MTHFD1L: variants seen among roughly 807,000 people sequenced by gnomAD.
MTHFD1L encodes the protein methylenetetrahydrofolate dehydrogenase (NADP+ dependent) 1 like, also known as monofunctional C1-tetrahydrofolate synthase, mitochondrial.
Under a neutral mutation model 119.5 loss-of-function variants are expected in MTHFD1L, and 81 were observed. The observed-to-expected ratio is 0.68, with a 90% CI of 0.57 to 0.82. The LOEUF (loss-of-function observed/expected upper bound fraction) is 0.82. Among genes scored for constraint, MTHFD1L ranks in the 40% least tolerant of loss-of-function variants. The pLI is 0.00. For missense variants in MTHFD1L, 1,125 were observed against 1,253.4 expected (o/e 0.90, Z 1.55); for synonymous variants, 430 against 475.2 (o/e 0.90, Z 1.24).
chr6:151,033,841 G>T (rs184517535), intron 24 of MTHFD1L, among the ~76,000 whole-genome samples: 1 of 152,076 alleles, frequency 6.6e-6, no homozygotes, highest in Non-Finnish European at 1.5e-5. Flanking sequence ...TCACAATTTC[G>T]TTGGGAGACT....
intron 21 of MTHFD1L, 32 bp from the exon 22 acceptor site, chr6:151,013,747 A>T: frequency 6.3e-7 from 1 of 1,587,674 alleles, no homozygotes; most frequent in South Asian, 1.1e-5. Context: ...TTTTTATAGG[A>T]TTATTCTTCA....
chr6:150,908,487 C>G (rs565354561), intron 8 of MTHFD1L, among the ~76,000 whole-genome samples: 1 of 151,734 alleles, frequency 6.6e-6, no homozygotes, highest in South Asian at 2.1e-4. Context: ...ATTAGCTGGG[C>G]TTGGTGGCAG....
intron 5 of MTHFD1L, among the ~76,000 whole-genome samples, chr6:150,884,346 T>C (rs1781867359): frequency 6.6e-6 from 1 of 151,962 alleles, no homozygotes; most frequent in African/African-American, 2.4e-5. Flanking sequence ...TTCACCGTGT[T>C]AGCCAGGATG....
intron 1 of MTHFD1L, among the ~76,000 whole-genome samples, chr6:150,869,209 G>T (rs1171543117): frequency 6.6e-6 from 1 of 152,110 alleles, no homozygotes; most frequent in Non-Finnish European, 1.5e-5. Flanking sequence ...TGCCGAACGT[G>T]CAGGTTTGTT....
intron 4 of MTHFD1L, 46 bp downstream of exon 4, chr6:150,877,872 A>T: frequency 6.2e-7 from 1 of 1,606,806 alleles, no homozygotes; most frequent in Non-Finnish European, 8.5e-7. Context: ...TTTCCTCTTG[A>T]GACTTAATAG....
At chr6:150,911,514 C>T (rs909785305) in intron 8 of MTHFD1L, among the ~76,000 whole-genome samples, 2 of 152,120 alleles carry the variant, frequency 1.3e-5, no homozygotes, top group East Asian at 1.9e-4. Flanking sequence ...CACACTTCCA[C>T]GGACTGTACA....
At chr6:150,962,594 A>G (rs1013000132) in intron 18 of MTHFD1L, among the ~76,000 whole-genome samples, 1 of 152,170 alleles carries the variant, frequency 6.6e-6, no homozygotes, top group Non-Finnish European at 1.5e-5. Context: ...CCTTCCCCAC[A>G]TGGACACAGA....
intron 20 of MTHFD1L, among the ~76,000 whole-genome samples, chr6:150,980,512 T>C (rs1204383093): frequency 6.6e-6 from 1 of 152,186 alleles, no homozygotes; most frequent in African/African-American, 2.4e-5. Context: ...CAAACACCCA[T>C]GTTCCCACCA....
At chr6:150,941,768 G>T (rs1439906265) in intron 13 of MTHFD1L, among the ~76,000 whole-genome samples, 3 of 152,142 alleles carry the variant, frequency 2.0e-5, no homozygotes, top group Non-Finnish European at 2.9e-5. Flanking sequence ...GGGTGTGGTG[G>T]AGGGTGGTAG....
In MTHFD1L at chr6:150,934,848, T is replaced by A; in HGVS notation, c.1257-1956T>A. On this transcript the variant is annotated intron_variant, in intron 11 of 27. Coordinates refer to ENST00000367321, the MANE Select transcript of MTHFD1L (RefSeq NM_015440.5). ...CTCGTAGAAATGCCTGCCAATGCTTTCTCATTTGGACCCAAACTCCAGATC... is the reference window on the plus strand; with the variant it reads ...CTCGTAGAAATGCCTGCCAATGCTTACTCATTTGGACCCAAACTCCAGATC... 4 of 1,279,980 alleles carry A rather than the reference T, an allele frequency of 3.1e-6. 1 individual carries two copies. In the South Asian group the frequency reaches 7.0e-5, roughly 22 times the overall value. 79.3% of individuals were successfully genotyped at this position (1,279,980 alleles called of 1,614,324 possible).
chr6:150,923,546 T>TC (rs1789419287), intron 10 of MTHFD1L, among the ~76,000 whole-genome samples: 3 of 89,084 alleles, frequency 3.4e-5, no homozygotes, highest in African/African-American at 5.4e-5. Flanking sequence ...TATTTTTTCT[T>TC]TTTTTTTTTT....
At chr6:150,994,874 T>C (rs1779611597) in intron 20 of MTHFD1L, among the ~76,000 whole-genome samples, 2 of 152,246 alleles carry the variant, frequency 1.3e-5, no homozygotes, top group South Asian at 4.1e-4. Context: ...ATGATATCTT[T>C]GTTGGGGAGA....
chr6:151,063,856 G>T (rs1462160813), intron 26 of MTHFD1L, among the ~76,000 whole-genome samples: 1 of 149,598 alleles, frequency 6.7e-6, no homozygotes, highest in African/African-American at 2.5e-5. Flanking sequence ...TAAAATCAAA[G>T]ACATGAATTT....
intron 20 of MTHFD1L, among the ~76,000 whole-genome samples, chr6:150,978,287 A>G (rs1368844600): frequency 6.6e-6 from 1 of 152,108 alleles, no homozygotes; most frequent in Non-Finnish European, 1.5e-5. Context: ...CTGTTGGTGC[A>G]TATCTCAAAG....
chr6:150,869,912 G>C (rs995976139), intron 1 of MTHFD1L, among the ~76,000 whole-genome samples: 10 of 152,090 alleles, frequency 6.6e-5, no homozygotes, highest in Admixed American at 5.2e-4. Flanking sequence ...TGGGATTACA[G>C]GCAGGCACCA....
At chr6:150,900,999 A>C (rs1785016420) in intron 7 of MTHFD1L, among the ~76,000 whole-genome samples, 1 of 143,272 alleles carries the variant, frequency 7.0e-6, no homozygotes, top group Non-Finnish European at 1.5e-5. Context: ...TGGACGACAG[A>C]GTGAGACTCG....
In MTHFD1L at chr6:150,865,721, CCCG is replaced by C. The variant is rs71014527; in HGVS notation, c.-78_-76del. The C allele has an allele frequency of 0.013, 11,861 of 944,612 alleles. 44 individuals are homozygous for C. Among genetic ancestry groups the C allele is most frequent in the East Asian group, 0.037 (437 of 11,908 alleles). The allele number at this position is 944,612 out of a possible 1,614,324, so 58.5% of individuals were successfully genotyped here. Reference sequence around the variant, plus strand: ...GACGAGGAGGAAGCGCCAGGTCCTTCCCGCCGCCGCCGCCGCCGCCGCCGCCTG... The same window carrying C: ...GACGAGGAGGAAGCGCCAGGTCCTTCCCGCCGCCGCCGCCGCCGCCGCCTG... On this transcript the variant is annotated 5_prime_UTR_variant, in exon 1 of 28. Transcript: ENST00000367321.
At chr6:150,887,499 A>G (rs2128776060) in intron 6 of MTHFD1L, among the ~76,000 whole-genome samples, 1 of 152,334 alleles carries the variant, frequency 6.6e-6, no homozygotes, top group East Asian at 1.9e-4. Context: ...TCTGTTGCCC[A>G]GGCTGGAGTG....
intron 1 of MTHFD1L, among the ~76,000 whole-genome samples, chr6:150,871,257 A>G (rs1005467301): frequency 5.4e-5 from 8 of 148,980 alleles, no homozygotes; most frequent in African/African-American, 2.0e-4. Context: ...GTTGATGGTT[A>G]TTGACTGATC....
Sources: allele counts gnomAD v4.1 joint callset (sites outside exome capture counted in the v4.1 genomes callset), GRCh38; gene constraint gnomAD v4.1.1; transcripts MANE v1.5; gene names NCBI Gene and HGNC (gene_info 2026-07-23, HGNC 2026-07-21).